Variants in KIAA1143 observed in about 807,000 individuals in gnomAD.
KIAA1143 encodes uncharacterized protein KIAA1143.
A neutral mutation model predicts 17.0 loss-of-function variants in KIAA1143; 8 were observed. The ratio of observed to expected loss-of-function variants is 0.47; its 90% CI spans 0.28 to 0.85. The LOEUF is 0.85. Ranked by LOEUF, KIAA1143 falls within the 40% of genes least tolerant of loss-of-function variation. KIAA1143 has a pLI of 0.12. For missense variants in KIAA1143, 162 were observed against 183.3 expected (o/e 0.88, Z 0.67); for synonymous variants, 64 against 67.8 (o/e 0.94, Z 0.27).
chr3:44,758,255 G>C (rs1451716942), intron 1 of KIAA1143, among the ~76,000 whole-genome samples: 1 of 152,164 alleles, frequency 6.6e-6, no homozygotes, highest in Non-Finnish European at 1.5e-5. Flanking sequence ...AGGCGGGGTG[G>C]CTGTGGCAAT....
chr3:44,757,937 A>G (rs1248636029), intron 1 of KIAA1143, among the ~76,000 whole-genome samples: 1 of 152,188 alleles, frequency 6.6e-6, no homozygotes, highest in African/African-American at 2.4e-5. Flanking sequence ...TGTCACACAA[A>G]TTTTCTGGTT....
In KIAA1143 at chr3:44,749,115, G is replaced by T. The variant is rs1256826568; in HGVS notation, c.*4226C>A. 6.6e-6 allele frequency: 1 copy of T among 152,310 alleles called. No homozygotes were observed. Among genetic ancestry groups the T allele is most frequent in the African/African-American group, 2.4e-5 (1 of 41,538 alleles). The allele number at this position is 152,310 out of a possible 1,614,324, so 9.4% of individuals were successfully genotyped here. On this transcript the variant is annotated 3_prime_UTR_variant, in exon 3 of 3. Coordinates refer to ENST00000296121, the MANE Select transcript of KIAA1143 (RefSeq NM_020696.4). ...TTAAAACTTAAAAAAAGGCCCAGGC[G>T]CGGTGGCTCCTGCCTGTAATCCCAG...
At position 44,750,167 on chromosome 3, in the gene KIAA1143, TAGTA is replaced by T. The variant is rs1575556911; in HGVS notation, c.*3170_*3173del. ...TTGATAAATTACATAACTTACAAAT[TAGTA>T]AGAAAGATATGACCATACTAATGGA... On this transcript the variant is annotated 3_prime_UTR_variant, in exon 3 of 3. Coordinates refer to ENST00000296121, the MANE Select transcript of KIAA1143 (RefSeq NM_020696.4). 4.6e-5 allele frequency: 7 copies of T among 152,296 alleles called. No homozygotes were observed. The highest frequency in any genetic ancestry group is 6.5e-5 in the Admixed American group (1 of 15,294). The allele number at this position is 152,296 out of a possible 1,614,324, so 9.4% of individuals were successfully genotyped here.
chr3:44,761,345 A>C (rs1456728259), intron 1 of KIAA1143, 150 bp downstream of exon 1: 1 of 625,950 alleles, frequency 1.6e-6, no homozygotes, highest in Non-Finnish European at 2.9e-6. Flanking sequence ...GCTTGAAAAG[A>C]ACCAGCCTGG....
In KIAA1143 at chr3:44,754,253, A is replaced by G. The variant is rs1483972294; in HGVS notation, c.224T>C (p.Ile75Thr). The change falls in exon 2 of 3, where the codon ATT becomes ACT. Residue 75 changes from isoleucine to threonine, a missense_variant. Ile to Thr is a moderately conservative substitution (Grantham distance 89). Transcript: ENST00000296121. ...GDLSVEEVMKIKAEIKAAKAD... is the reference protein window; with the variant it reads ...GDLSVEEVMKTKAEIKAAKAD... Reference sequence around the variant, plus strand: ...TTTGGCAGCCTTTATTTCTGCTTTAATTTTCATGACTTCTTCAACTGACAG... The same window carrying G: ...TTTGGCAGCCTTTATTTCTGCTTTAGTTTTCATGACTTCTTCAACTGACAG... 1.2e-6 allele frequency: 2 copies of G among 1,613,844 alleles called. No homozygotes were observed. Among genetic ancestry groups the G allele is most frequent in the African/African-American group, 2.7e-5 (2 of 75,038 alleles).
At chr3:44,761,357 G>A (rs1227239441) in intron 1 of KIAA1143, 138 bp downstream of exon 1, 4 of 642,214 alleles carry the variant, frequency 6.2e-6, no homozygotes, top group Non-Finnish European at 1.1e-5. Context: ...CCAGCCTGGG[G>A]GTCCGAGTTC....
At position 44,754,205 on chromosome 3, in the gene KIAA1143, A is replaced by T; in HGVS notation, c.253+19T>A. 6.2e-7 allele frequency: 1 copy of T among 1,610,248 alleles called. No homozygotes were observed. The highest frequency in any genetic ancestry group is 1.1e-5 in the South Asian group (1 of 90,824). On this transcript the variant is annotated intron_variant, in intron 2 of 2. Coordinates refer to ENST00000296121, the MANE Select transcript of KIAA1143 (RefSeq NM_020696.4). ...GGCTCCTTAAATTGTTAGAAAAACC[A>T]GATTACTTTTAGACCTACCTGCTTT...
At position 44,749,617 on chromosome 3, in the gene KIAA1143, A is replaced by T. The variant is rs1704866692; in HGVS notation, c.*3724T>A. The T allele has an allele frequency of 6.6e-6, 1 of 152,144 alleles. No individual in the cohort carries two copies. The highest frequency in any genetic ancestry group is 2.1e-4 in the South Asian group (1 of 4,826). 9.4% of individuals were successfully genotyped at this position (152,144 alleles called of 1,614,324 possible). A position where few individuals can be genotyped will look rare whatever the true frequency, so the allele number is the denominator to read the frequency against. ...CTTCCCCTCCCTTCCCTACCCCAAC[A>T]TTTGGAGAAATCTCTCACTAGATGG... On this transcript the variant is annotated 3_prime_UTR_variant, in exon 3 of 3. Coordinates refer to ENST00000296121, the MANE Select transcript of KIAA1143 (RefSeq NM_020696.4).
chr3:44,755,997 G>A (rs1408242186), intron 1 of KIAA1143, among the ~76,000 whole-genome samples: 2 of 152,168 alleles, frequency 1.3e-5, no homozygotes, highest in South Asian at 2.1e-4. Context: ...ATCTATGTTA[G>A]TTCACTGATT....
At position 44,750,188 on chromosome 3, in the gene KIAA1143, A is replaced by C. The variant is rs1704876486; in HGVS notation, c.*3153T>G. Reference sequence around the variant, plus strand: ...AAATTAGTAAGAAAGATATGACCATACTAATGGAAAAAAGTTAATTCAAAA... The same window carrying C: ...AAATTAGTAAGAAAGATATGACCATCCTAATGGAAAAAAGTTAATTCAAAA... On this transcript the variant is annotated 3_prime_UTR_variant, in exon 3 of 3. Transcript: ENST00000296121. The C allele has an allele frequency of 6.6e-6, 1 of 152,256 alleles. No homozygotes were observed. Among genetic ancestry groups the C allele is most frequent in the Non-Finnish European group, 1.5e-5 (1 of 68,044 alleles). The allele number at this position is 152,256 out of a possible 1,614,324, so 9.4% of individuals were successfully genotyped here.
chr3:44,757,502 A>C (rs1704992563), intron 1 of KIAA1143, among the ~76,000 whole-genome samples: 1 of 152,178 alleles, frequency 6.6e-6, no homozygotes, highest in Non-Finnish European at 1.5e-5. Context: ...TAACCTGATA[A>C]CAGCACAGTC....
In KIAA1143 at chr3:44,752,922, C is replaced by G. The variant is rs1704909652; in HGVS notation, c.*419G>C. On this transcript the variant is annotated 3_prime_UTR_variant, in exon 3 of 3. Coordinates refer to ENST00000296121, the MANE Select transcript of KIAA1143 (RefSeq NM_020696.4). ...GGAGCTATTGCTAATGAAAAAGATA[C>G]AATGAGATGTTTATGAAATTATCTG... is the stretch of plus-strand genomic sequence containing the variant. 1 of 153,334 alleles carries G rather than the reference C, an allele frequency of 6.5e-6. No individual in the cohort carries two copies. 9.5% of individuals were successfully genotyped at this position (153,334 alleles called of 1,614,324 possible). A position where few individuals can be genotyped will look rare whatever the true frequency, so the allele number is the denominator to read the frequency against.
At position 44,749,238 on chromosome 3, in the gene KIAA1143, A is replaced by G. The variant is rs1704860670; in HGVS notation, c.*4103T>C. 6.6e-6 allele frequency: 1 copy of G among 152,038 alleles called. No individual in the cohort carries two copies. Among genetic ancestry groups the G allele is most frequent in the Non-Finnish European group, 1.5e-5 (1 of 68,046 alleles). 9.4% of individuals were successfully genotyped at this position (152,038 alleles called of 1,614,324 possible). On this transcript the variant is annotated 3_prime_UTR_variant, in exon 3 of 3. Transcript: ENST00000296121. ...CCCGTCTCTATTAAAAATACAAAAA[A>G]ATTAGCCGGGCGTGGTGGCGGGCGA...
In KIAA1143 at chr3:44,749,162, G is replaced by C. The variant is rs1474949246; in HGVS notation, c.*4179C>G. On this transcript the variant is annotated 3_prime_UTR_variant, in exon 3 of 3. Coordinates refer to ENST00000296121, the MANE Select transcript of KIAA1143 (RefSeq NM_020696.4). ...CCAGCACTTTGGGAGGCCGAGGCAG[G>C]TGGATCATGAGGTCAGGAGATTGAG... 6.6e-6 allele frequency: 1 copy of C among 152,214 alleles called. No individual in the cohort carries two copies. The highest frequency in any genetic ancestry group is 1.5e-5 in the Non-Finnish European group (1 of 68,078). The allele number at this position is 152,214 out of a possible 1,614,324, so 9.4% of individuals were successfully genotyped here.
chr3:44,756,013 T>G (rs888981274), intron 1 of KIAA1143, among the ~76,000 whole-genome samples: 1 of 152,248 alleles, frequency 6.6e-6, no homozygotes, highest in Non-Finnish European at 1.5e-5. Flanking sequence ...TGATTATTCA[T>G]CAGTTTCTGC....
At chr3:44,760,738 T>A (rs1312041265) in intron 1 of KIAA1143, among the ~76,000 whole-genome samples, 1 of 140,702 alleles carries the variant, frequency 7.1e-6, no homozygotes, top group Admixed American at 7.6e-5. Context: ...CAGGCTGGAG[T>A]GCAGCTGCGC....
chr3:44,757,026 C>T (rs1024982893), intron 1 of KIAA1143, among the ~76,000 whole-genome samples: 1 of 152,152 alleles, frequency 6.6e-6, no homozygotes, highest in Admixed American at 6.5e-5. Flanking sequence ...TGGCGTACTT[C>T]TCTAAGGGAA....
At position 44,749,486 on chromosome 3, in the gene KIAA1143, G is replaced by C. The variant is rs1261322255; in HGVS notation, c.*3855C>G. On this transcript the variant is annotated 3_prime_UTR_variant, in exon 3 of 3. Coordinates refer to ENST00000296121, the MANE Select transcript of KIAA1143 (RefSeq NM_020696.4). ...ATTTCAGATGGATGTGGCTGGTAAGGATCTTAACAAGCCCCCAGTTTGGGC... is the reference window on the plus strand; with the variant it reads ...ATTTCAGATGGATGTGGCTGGTAAGCATCTTAACAAGCCCCCAGTTTGGGC... 3.3e-5 allele frequency: 5 copies of C among 152,188 alleles called. No individual in the cohort carries two copies. Among genetic ancestry groups the C allele is most frequent in the Non-Finnish European group, 5.9e-5 (4 of 68,046 alleles). 9.4% of individuals were successfully genotyped at this position (152,188 alleles called of 1,614,324 possible).
Position 44,749,248 on chromosome 3 carries a change from G to A in KIAA1143, c.*4093C>T, listed in dbSNP as rs182081658. The A allele has an allele frequency of 2.0e-5, 3 of 152,286 alleles. No homozygotes were observed. Among genetic ancestry groups the A allele is most frequent in the Non-Finnish European group, 4.4e-5 (3 of 68,074 alleles). 9.4% of individuals were successfully genotyped at this position (152,286 alleles called of 1,614,324 possible). ...TTAAAAATACAAAAAAATTAGCCGG[G>A]CGTGGTGGCGGGCGACTGTAGTCCC... On this transcript the variant is annotated 3_prime_UTR_variant, in exon 3 of 3. Coordinates refer to ENST00000296121, the MANE Select transcript of KIAA1143 (RefSeq NM_020696.4).
Sources: gnomAD v4.1 joint callset for allele counts (sites outside exome capture counted in the v4.1 genomes callset) on GRCh38, gnomAD v4.1.1 for gene constraint, MANE v1.5 for transcripts, NCBI Gene and HGNC (gene_info 2026-07-23, HGNC 2026-07-21) for gene names.